Variants in NELL2 observed in about 807,000 individuals in gnomAD.
NELL2 encodes the protein protein kinase C-binding protein NELL2.
NELL2 carries 41 observed loss-of-function variants against 109.6 expected under a neutral mutation model. That is an observed-to-expected ratio of 0.37 (90% confidence interval 0.29 to 0.49). The LOEUF (loss-of-function observed/expected upper bound fraction) is 0.49. NELL2 is among the 20% of genes least tolerant of loss of function. The pLI, the probability that NELL2 is intolerant of heterozygous loss-of-function variation, is 0.98. For synonymous variants in NELL2, 355 were observed against 344.7 expected, an observed-to-expected ratio of 1.03 and a Z score of -0.33; for missense variants, 900 against 1,008.3, an observed-to-expected ratio of 0.89 and a Z score of 1.45.
intron 13 of NELL2, among the ~76,000 whole-genome samples, chr12:44,633,041 T>C (rs1355701714): frequency 2.6e-5 from 4 of 151,914 alleles, no homozygotes; most frequent in African/African-American, 9.7e-5. Context: ...TATGAGCCCA[T>C]ACAGGAGTCA....
intron 3 of NELL2, among the ~76,000 whole-genome samples, chr12:44,794,897 T>C (rs1265048025): frequency 2.0e-5 from 3 of 146,860 alleles, no homozygotes; most frequent in Admixed American, 6.8e-5. Flanking sequence ...CTTGAACATA[T>C]CTTGTCTCCC....
chr12:44,882,335 G>GTATGTATATATATATACACA (rs1227786433), intron 1 of NELL2, among the ~76,000 whole-genome samples: 4 of 150,630 alleles, frequency 2.7e-5, no homozygotes, highest in Admixed American at 6.6e-5. Context: ...TCATATATAT[G>GTATGTATATATATATACACA]TATGTATATA....
chr12:44,571,269 T>C (rs1943864229), intron 15 of NELL2, among the ~76,000 whole-genome samples: 1 of 152,174 alleles, frequency 6.6e-6, no homozygotes, highest in African/African-American at 2.4e-5. Flanking sequence ...CCTCTTTATA[T>C]ATTTTTATGC....
intron 13 of NELL2, among the ~76,000 whole-genome samples, chr12:44,619,740 G>A (rs958610630): frequency 3.3e-5 from 5 of 151,960 alleles, no homozygotes; most frequent in South Asian, 2.1e-4. Context: ...GCTAAGTAAC[G>A]TATACATGCA....
chr12:44,617,463 G>A (rs1369192421), intron 13 of NELL2, among the ~76,000 whole-genome samples: 2 of 106,112 alleles, frequency 1.9e-5, no homozygotes, highest in South Asian at 2.2e-4. Flanking sequence ...CGAGGCGGGC[G>A]GATCACGAGG....
At chr12:44,823,078 C>A (rs1319639848) in intron 2 of NELL2, among the ~76,000 whole-genome samples, 1 of 151,928 alleles carries the variant, frequency 6.6e-6, no homozygotes, top group East Asian at 1.9e-4. Context: ...GTTGGAATTC[C>A]TTTCTTCTTT....
chr12:44,875,173 C>A, intron 2 of NELL2, 52 bp downstream of exon 2: 1 of 1,577,660 alleles, frequency 6.3e-7, no homozygotes, highest in Admixed American at 1.8e-5. Context: ...GCAACTCCTG[C>A]CGGGGTTATC....
At chr12:44,685,569 A>G (rs1447963888) in intron 12 of NELL2, among the ~76,000 whole-genome samples, 2 of 151,758 alleles carry the variant, frequency 1.3e-5, no homozygotes, top group African/African-American at 4.8e-5. Context: ...TTCCTTTCCA[A>G]TGTTTAGCGC....
intron 13 of NELL2, among the ~76,000 whole-genome samples, chr12:44,622,100 G>A (rs1404958900): frequency 5.9e-5 from 9 of 152,106 alleles, no homozygotes; most frequent in Non-Finnish European, 1.2e-4. Flanking sequence ...ACATATGGAT[G>A]AATCAATGAT....
intron 12 of NELL2, among the ~76,000 whole-genome samples, chr12:44,667,918 C>T (rs1947985830): frequency 6.6e-6 from 1 of 152,206 alleles, no homozygotes; most frequent in African/African-American, 2.4e-5. Flanking sequence ...GCATAGGAAA[C>T]TGCCTAGAAT....
Position 44,624,994 on chromosome 12 carries a change from GTGTATATATATATATATATATATA to G in NELL2, c.1445-14048_1445-14025del, listed in dbSNP as rs1328485114. 3.5e-4 allele frequency among the ~76,000 whole-genome samples: 41 copies of G among 118,692 alleles called. 1 individual carries two copies. The East Asian group carries it at 6.7e-3, about 19-fold the overall frequency. 77.9% of individuals were successfully genotyped at this position (118,692 alleles called of 152,430 possible). A position where few individuals can be genotyped will look rare whatever the true frequency, so the allele number is the denominator to read the frequency against. On this transcript the variant is annotated intron_variant, in intron 13 of 19. Transcript: ENST00000429094. The stretch of plus-strand genomic sequence containing the variant: ...AGATGACAAATATATATATATGTGT[GTGTATATATATATATATATATATA>G]TATATATATATATATTTCTGAACAA...
intron 15 of NELL2, among the ~76,000 whole-genome samples, chr12:44,578,043 T>A (rs1350710521): frequency 6.6e-6 from 1 of 152,194 alleles, no homozygotes; most frequent in African/African-American, 2.4e-5. Flanking sequence ...CCCGTACTTA[T>A]CTTTGAATAC....
Position 44,532,579 on chromosome 12 carries a change from AC to A in NELL2, c.1804+1del. On this transcript the variant is annotated splice_donor_variant, in intron 16 of 19. Transcript: ENST00000429094. LOFTEE classifies it high-confidence loss of function. ...AATTCTAGGTCTTCTCCTTGTACTG[AC>A]CTTCACACGATTCTCCACTTGGTGA... 1 of 1,612,958 alleles carries A rather than the reference AC, an allele frequency of 6.2e-7. No individual in the cohort carries two copies. Among genetic ancestry groups the A allele is most frequent in the Non-Finnish European group, 8.5e-7 (1 of 1,179,398 alleles).
intron 12 of NELL2, among the ~76,000 whole-genome samples, chr12:44,699,123 T>C (rs1441828482): frequency 6.6e-6 from 1 of 152,180 alleles, no homozygotes; most frequent in Non-Finnish European, 1.5e-5. Flanking sequence ...AAAAACAGGA[T>C]GTCCAACATA....
At chr12:44,903,270 C>CA (rs1262003323) in intron 1 of NELL2, among the ~76,000 whole-genome samples, 1 of 152,074 alleles carries the variant, frequency 6.6e-6, no homozygotes, top group Non-Finnish European at 1.5e-5. Flanking sequence ...TTTATGTGGC[C>CA]AACAAACATA....
At chr12:44,624,617 C>T (rs1353576202) in intron 13 of NELL2, among the ~76,000 whole-genome samples, 1 of 152,044 alleles carries the variant, frequency 6.6e-6, no homozygotes, top group African/African-American at 2.4e-5. Context: ...ATGATAAAAT[C>T]CATTCACTCA....
intron 13 of NELL2, among the ~76,000 whole-genome samples, chr12:44,644,497 CT>C (rs1946980583): frequency 6.7e-6 from 1 of 149,718 alleles, no homozygotes; most frequent in African/African-American, 2.5e-5. Context: ...GCAGGCTCAG[CT>C]TTTGGATGAA....
rs140921051 is a variant in NELL2 at position 44,565,069 on chromosome 12, G to A, written c.1664-32348C>T. 6.7e-4 allele frequency among the ~76,000 whole-genome samples: 102 copies of A among 152,250 alleles called. 1 individual carries two copies. The highest frequency in any genetic ancestry group is 3.7e-3 in the Admixed American group (57 of 15,292). On this transcript the variant is annotated intron_variant, in intron 15 of 19. Coordinates refer to ENST00000429094, the MANE Select transcript of NELL2 (RefSeq NM_001145108.2). ...TGAAATCAGAATCCCAGGTAATGGA[G>A]TCTGATAATCTGTCTTTTCACATAC...
At chr12:44,587,303 ATATATTTTT>A (rs1419073920) in intron 15 of NELL2, among the ~76,000 whole-genome samples, 31 of 118,786 alleles carry the variant, frequency 2.6e-4, no homozygotes, top group African/African-American at 1.2e-3. Context: ...ATATATATAT[ATATATTTTT>A]TTTTAAATAT....
Sources: gnomAD v4.1 joint callset for allele counts (sites outside exome capture counted in the v4.1 genomes callset) on GRCh38, gnomAD v4.1.1 for gene constraint, MANE v1.5 for transcripts, NCBI Gene and HGNC (gene_info 2026-07-23, HGNC 2026-07-21) for gene names.